Variants in SNCB observed in about 807,000 individuals in gnomAD.
The protein encoded by SNCB is synuclein beta.
A neutral mutation model predicts 20.0 loss-of-function variants in SNCB; 8 were observed. The ratio of observed to expected loss-of-function variants is 0.40; its 90% CI spans 0.24 to 0.72. The LOEUF is 0.72. Ranked by LOEUF, SNCB falls within the 30% of genes least tolerant of loss-of-function variation. SNCB has a pLI of 0.37. For synonymous variants in SNCB, 56 were observed against 65.4 expected (o/e 0.86, Z 0.69); for missense variants, 125 against 168.0 (o/e 0.74, Z 1.41).
chr5:176,624,860 G>A lies in SNCB; in HGVS notation c.282+1538C>T, dbSNP rs527491770. Among the ~76,000 whole-genome samples the A allele has an allele frequency of 1.4e-4, 21 of 147,016 alleles. No individual in the cohort carries two copies. The East Asian group carries it at 3.8e-3, about 26-fold the overall frequency. On this transcript the variant is annotated intron_variant, in intron 4 of 5. Coordinates refer to ENST00000393693, the MANE Select transcript of SNCB (RefSeq NM_003085.5). ...GAAGTCATACAGATAGTAAAATGCAGAGACAGGGCTTGAACTAGAACTTCT... is the reference window on the plus strand; with the variant it reads ...GAAGTCATACAGATAGTAAAATGCAAAGACAGGGCTTGAACTAGAACTTCT...
In SNCB at chr5:176,629,940, G is replaced by C; in HGVS notation, c.-9-277C>G. 1 of 398,870 alleles carries C rather than the reference G, an allele frequency of 2.5e-6. No homozygotes were observed. The highest frequency in any genetic ancestry group is 4.6e-6 in the Non-Finnish European group (1 of 217,910). The allele number at this position is 398,870 out of a possible 1,614,324, so 24.7% of individuals were successfully genotyped here. ...CAGCCCCGTCGAACCGGAGTGCTGG[G>C]TTCGGCGCGAATATCCAGGACCCGC... On this transcript the variant is annotated intron_variant, in intron 1 of 5. Transcript: ENST00000393693. This position sits in a 1 kb window ranked among gnomAD's most constrained non-coding sequence, Gnocchi z 4.1.
At position 176,620,988 on chromosome 5, in the gene SNCB, A is replaced by T. The variant is rs749257618; in HGVS notation, c.373-145T>A. On this transcript the variant is annotated intron_variant, in intron 5 of 5. Coordinates refer to ENST00000393693, the MANE Select transcript of SNCB (RefSeq NM_003085.5). This position sits in a 1 kb window ranked among gnomAD's most constrained non-coding sequence, Gnocchi z 4.5. ...TTTCCTGGGCAGGGGAGGAGCCTGG[A>T]AGTTGGGGACAACAGAGAATTCTTG... 5.7e-5 allele frequency: 47 copies of T among 827,858 alleles called. No homozygotes were observed. The highest frequency in any genetic ancestry group is 8.4e-5 in the Non-Finnish European group (41 of 489,426). 51.3% of individuals were successfully genotyped at this position (827,858 alleles called of 1,614,324 possible). A position where few individuals can be genotyped will look rare whatever the true frequency, so the allele number is the denominator to read the frequency against.
Position 176,626,531 on chromosome 5 carries a change from G to C in SNCB, c.164-15C>G. On this transcript the variant is annotated splice_polypyrimidine_tract_variant and intron_variant, in intron 3 of 5. Transcript: ENST00000393693. This position sits in a 1 kb window ranked among gnomAD's most constrained non-coding sequence, Gnocchi z 4.2. ...TTTTTCAGCCACTGGAGCAGGGAGGGGGTTGAGGAAGGGGTTTGGGAGCCA... is the reference window on the plus strand; with the variant it reads ...TTTTTCAGCCACTGGAGCAGGGAGGCGGTTGAGGAAGGGGTTTGGGAGCCA... The C allele has an allele frequency of 6.2e-7, 1 of 1,601,220 alleles. No homozygotes were observed. Among genetic ancestry groups the C allele is most frequent in the Non-Finnish European group, 8.6e-7 (1 of 1,168,234 alleles).
intron 2 of SNCB, among the ~76,000 whole-genome samples, chr5:176,628,496 C>G (rs150649350): frequency 6.6e-6 from 1 of 152,180 alleles, no homozygotes; most frequent in Admixed American, 6.5e-5. Flanking sequence ...TACAGTCTCT[C>G]GTGGCCATGA....
chr5:176,626,287 T>G lies in SNCB; in HGVS notation c.282+111A>C. ...CAAAGTGGCTTGTGTTCCAAGCTGG[T>G]GGCAGGATTAGGGGGGCGGGGATGG... On this transcript the variant is annotated intron_variant, in intron 4 of 5. Coordinates refer to ENST00000393693, the MANE Select transcript of SNCB (RefSeq NM_003085.5). The surrounding 1 kb of genome is among the most constrained non-coding windows in gnomAD (Gnocchi z 4.2). The G allele has an allele frequency of 1.2e-5, 10 of 843,060 alleles. No homozygotes were observed. Among genetic ancestry groups the G allele is most frequent in the East Asian group, 2.4e-5 (1 of 40,912 alleles). 52.2% of individuals were successfully genotyped at this position (843,060 alleles called of 1,614,324 possible).
chr5:176,625,674 G>T (rs1015099575), intron 4 of SNCB, among the ~76,000 whole-genome samples: 1 of 152,070 alleles, frequency 6.6e-6, no homozygotes, highest in East Asian at 1.9e-4. Context: ...GGTTCCCAGG[G>T]CTCCCCTGGG....
In SNCB at chr5:176,626,806, G is replaced by A. The variant is rs778207043; in HGVS notation, c.122-45C>T. The A allele has an allele frequency of 6.2e-7, 1 of 1,603,896 alleles. No individual in the cohort carries two copies. Among genetic ancestry groups the A allele is most frequent in the Non-Finnish European group, 8.5e-7 (1 of 1,170,696 alleles). ...CACATTTAAGGACTCTGCGCTGAGG[G>A]AACAGAAACTCCAGCACAGCATGGT... is the stretch of plus-strand genomic sequence containing the variant. On this transcript the variant is annotated intron_variant, in intron 2 of 5. Coordinates refer to ENST00000393693, the MANE Select transcript of SNCB (RefSeq NM_003085.5). This position sits in a 1 kb window ranked among gnomAD's most constrained non-coding sequence, Gnocchi z 4.2.
At position 176,626,203 on chromosome 5, in the gene SNCB, C is replaced by G. The variant is rs546061391; in HGVS notation, c.282+195G>C. On this transcript the variant is annotated intron_variant, in intron 4 of 5. Coordinates refer to ENST00000393693, the MANE Select transcript of SNCB (RefSeq NM_003085.5). The surrounding 1 kb of genome is among the most constrained non-coding windows in gnomAD (Gnocchi z 4.2). ...CATCACCGGGAGCGTCACACCCATG[C>G]ACGCCTTTATTCAGATGCATTCTGA... Among the ~76,000 whole-genome samples, 9 of 152,258 alleles carry G rather than the reference C, an allele frequency of 5.9e-5. No homozygotes were observed. In the East Asian group the frequency reaches 1.7e-3, roughly 29 times the overall value.
Position 176,621,085 on chromosome 5 carries a change from G to C in SNCB, c.372+129C>G. On this transcript the variant is annotated intron_variant, in intron 5 of 5. Coordinates refer to ENST00000393693, the MANE Select transcript of SNCB (RefSeq NM_003085.5). The surrounding 1 kb of genome is among the most constrained non-coding windows in gnomAD (Gnocchi z 4.1). ...TCCCTGCTCCCACCTCCTGGGGCCT[G>C]GGTTCTAGAAGAGGGATGTCAAGCT... The C allele has an allele frequency of 1.2e-6, 1 of 836,206 alleles. No homozygotes were observed. Among genetic ancestry groups the C allele is most frequent in the Non-Finnish European group, 2.0e-6 (1 of 500,856 alleles). 51.8% of individuals were successfully genotyped at this position (836,206 alleles called of 1,614,324 possible). A position where few individuals can be genotyped will look rare whatever the true frequency, so the allele number is the denominator to read the frequency against.
Position 176,626,897 on chromosome 5 carries a change from C to T in SNCB, c.122-136G>A, listed in dbSNP as rs1759995582. On this transcript the variant is annotated intron_variant, in intron 2 of 5. Transcript: ENST00000393693. The surrounding 1 kb of genome is among the most constrained non-coding windows in gnomAD (Gnocchi z 4.2). ...GGGTCCCCACATCCTACAACCTGCA[C>T]CCCCATGTTAACCCCCGTCTTATCA... 1.1e-6 allele frequency: 1 copy of T among 874,832 alleles called. No homozygotes were observed. Among genetic ancestry groups the T allele is most frequent in the Non-Finnish European group, 1.9e-6 (1 of 523,932 alleles). 54.2% of individuals were successfully genotyped at this position (874,832 alleles called of 1,614,324 possible).
Position 176,629,759 on chromosome 5 carries a change from G to C in SNCB, c.-9-96C>G. The C allele has an allele frequency of 6.7e-7, 1 of 1,484,934 alleles. No homozygotes were observed. Among genetic ancestry groups the C allele is most frequent in the Non-Finnish European group, 9.0e-7 (1 of 1,106,016 alleles). The allele number at this position is 1,484,934 out of a possible 1,614,324, so 92.0% of individuals were successfully genotyped here. A position where few individuals can be genotyped will look rare whatever the true frequency, so the allele number is the denominator to read the frequency against. ...CAGATGCCCCCCTACTCCCGAGACC[G>C]CGGCGCCCTTCTGGACCCTGAGCCC... is the stretch of plus-strand genomic sequence containing the variant. On this transcript the variant is annotated intron_variant, in intron 1 of 5. Coordinates refer to ENST00000393693, the MANE Select transcript of SNCB (RefSeq NM_003085.5). The surrounding 1 kb of genome is among the most constrained non-coding windows in gnomAD (Gnocchi z 4.1).
chr5:176,620,848 A>G lies in SNCB; in HGVS notation c.373-5T>C. ...CTCATACTCCTGATATTCCTCCTGC[A>G]TCACCGGGATGGGGGTGGAGTAGAG... On this transcript the variant is annotated splice_polypyrimidine_tract_variant and splice_region_variant and intron_variant, in intron 5 of 5. Transcript: ENST00000393693. This position sits in a 1 kb window ranked among gnomAD's most constrained non-coding sequence, Gnocchi z 4.5. 6.2e-7 allele frequency: 1 copy of G among 1,613,670 alleles called. No individual in the cohort carries two copies. Among genetic ancestry groups the G allele is most frequent in the South Asian group, 1.1e-5 (1 of 91,074 alleles).
In SNCB at chr5:176,626,799, G is replaced by T. The variant is rs372331204; in HGVS notation, c.122-38C>A. 2.6e-5 allele frequency: 42 copies of T among 1,611,106 alleles called. No homozygotes were observed. The African/African-American group carries it at 4.4e-4, about 17-fold the overall frequency. Reference sequence around the variant, plus strand: ...AAAGCGGCACATTTAAGGACTCTGCGCTGAGGGAACAGAAACTCCAGCACA... The same window carrying T: ...AAAGCGGCACATTTAAGGACTCTGCTCTGAGGGAACAGAAACTCCAGCACA... On this transcript the variant is annotated intron_variant, in intron 2 of 5. Transcript: ENST00000393693. The surrounding 1 kb of genome is among the most constrained non-coding windows in gnomAD (Gnocchi z 4.2).
chr5:176,621,067 TC>T lies in SNCB; in HGVS notation c.372+146del. On this transcript the variant is annotated intron_variant, in intron 5 of 5. Coordinates refer to ENST00000393693, the MANE Select transcript of SNCB (RefSeq NM_003085.5). The surrounding 1 kb of genome is among the most constrained non-coding windows in gnomAD (Gnocchi z 4.1). The stretch of plus-strand genomic sequence containing the variant: ...ACCCTATCTGCCCTCTCCTCCCTGC[TC>T]CCACCTCCTGGGGCCTGGGTTCTAG... 1.3e-6 allele frequency: 1 copy of T among 776,062 alleles called. No individual in the cohort carries two copies. 48.1% of individuals were successfully genotyped at this position (776,062 alleles called of 1,614,324 possible). A position where few individuals can be genotyped will look rare whatever the true frequency, so the allele number is the denominator to read the frequency against.
rs554681249 is a variant in SNCB, at chr5:176,629,491, G to T, written c.121+43C>A. 5 of 1,603,772 alleles carry T rather than the reference G, an allele frequency of 3.1e-6. No individual in the cohort carries two copies. The highest frequency in any genetic ancestry group is 3.4e-5 in the Admixed American group (2 of 59,534). ...CGGCCCCAGCTCCACACTGTCGGGGGACCCCCAGCCCTGCAGCCCCAGAAA... is the reference window on the plus strand; with the variant it reads ...CGGCCCCAGCTCCACACTGTCGGGGTACCCCCAGCCCTGCAGCCCCAGAAA... On this transcript the variant is annotated intron_variant, in intron 2 of 5. Coordinates refer to ENST00000393693, the MANE Select transcript of SNCB (RefSeq NM_003085.5). The surrounding 1 kb of genome is among the most constrained non-coding windows in gnomAD (Gnocchi z 4.1).
Position 176,626,383 on chromosome 5 carries a change from A to G in SNCB, c.282+15T>C. 6.6e-7 allele frequency: 1 copy of G among 1,513,468 alleles called. No individual in the cohort carries two copies. Among genetic ancestry groups the G allele is most frequent in the South Asian group, 1.1e-5 (1 of 89,164 alleles). 93.8% of individuals were successfully genotyped at this position (1,513,468 alleles called of 1,614,324 possible). A position where few individuals can be genotyped will look rare whatever the true frequency, so the allele number is the denominator to read the frequency against. ...GTGTGTTTGCCTGCATGTGCGGGTC[A>G]GAAGGATCGCTTACCTTCAGATCAG... On this transcript the variant is annotated intron_variant, in intron 4 of 5. Coordinates refer to ENST00000393693, the MANE Select transcript of SNCB (RefSeq NM_003085.5). This position sits in a 1 kb window ranked among gnomAD's most constrained non-coding sequence, Gnocchi z 4.2.
intron 4 of SNCB, among the ~76,000 whole-genome samples, chr5:176,624,793 A>C (rs1375827803): frequency 7.5e-6 from 1 of 132,852 alleles, no homozygotes; most frequent in Non-Finnish European, 1.6e-5. Context: ...CAAGAGCAAA[A>C]CTCCGTCTCA....
In SNCB at chr5:176,620,345, C is replaced by A. The variant is rs1004960257; in HGVS notation, c.*466G>T. Reference sequence around the variant, plus strand: ...GACGCCCGCGTTCGGACCGGGCCGGCTGGGATGGGGGGCGGGGGACATGGC... The same window carrying A: ...GACGCCCGCGTTCGGACCGGGCCGGATGGGATGGGGGGCGGGGGACATGGC... On this transcript the variant is annotated 3_prime_UTR_variant, in exon 6 of 6. Coordinates refer to ENST00000393693, the MANE Select transcript of SNCB (RefSeq NM_003085.5). This position sits in a 1 kb window ranked among gnomAD's most constrained non-coding sequence, Gnocchi z 4.5. 2.8e-5 allele frequency: 5 copies of A among 179,386 alleles called. No individual in the cohort carries two copies. The highest frequency in any genetic ancestry group is 5.9e-5 in the Non-Finnish European group (5 of 84,338). The allele number at this position is 179,386 out of a possible 1,614,324, so 11.1% of individuals were successfully genotyped here. A position where few individuals can be genotyped will look rare whatever the true frequency, so the allele number is the denominator to read the frequency against.
At position 176,621,156 on chromosome 5, in the gene SNCB, G is replaced by C. The variant is rs191336763; in HGVS notation, c.372+58C>G. 582 of 1,366,940 alleles carry C rather than the reference G, an allele frequency of 4.3e-4. 3 individuals are homozygous for C. In the African/African-American group the frequency reaches 7.9e-3, roughly 19 times the overall value. 84.7% of individuals were successfully genotyped at this position (1,366,940 alleles called of 1,614,324 possible). A position where few individuals can be genotyped will look rare whatever the true frequency, so the allele number is the denominator to read the frequency against. ...GCCAGGGATGTCCCACCCCAGCTAG[G>C]GACGGCAGCAATCATCCTGGATTCC... On this transcript the variant is annotated intron_variant, in intron 5 of 5. Coordinates refer to ENST00000393693, the MANE Select transcript of SNCB (RefSeq NM_003085.5). This position sits in a 1 kb window ranked among gnomAD's most constrained non-coding sequence, Gnocchi z 4.1.
Sources: allele counts gnomAD v4.1 joint callset (sites outside exome capture counted in the v4.1 genomes callset), GRCh38; gene constraint gnomAD v4.1.1; non-coding constraint Gnocchi (gnomAD v3.1); transcripts MANE v1.5; gene names NCBI Gene and HGNC (gene_info 2026-07-23, HGNC 2026-07-21).